The following PABPC4L variants were observed in gnomAD, a reference collection of about 807,000 sequenced individuals.
PABPC4L encodes the protein poly(A) binding protein cytoplasmic 4 like.
For missense variants in PABPC4L, 452 were observed against 451.4 expected (o/e 1.00, Z -0.01); for synonymous variants, 169 against 164.1 (o/e 1.03, Z -0.23).
the PABPC4L span, among the ~76,000 whole-genome samples, chr4:133,965,025 A>G: frequency 6.6e-6 from 1 of 152,186 alleles, no homozygotes; most frequent in Non-Finnish European, 1.5e-5. Context: ...AGGAAGTCAA[A>G]CTGTCACTGT....
the PABPC4L span, among the ~76,000 whole-genome samples, chr4:134,102,163 A>G: frequency 6.6e-6 from 1 of 151,580 alleles, no homozygotes; most frequent in Non-Finnish European, 1.5e-5. Context: ...CACTATGTTA[A>G]CTAAGTAGTT....
At chr4:134,046,651 C>T in the PABPC4L span, among the ~76,000 whole-genome samples, 1 of 152,114 alleles carries the variant, frequency 6.6e-6, no homozygotes, top group Admixed American at 6.6e-5. Context: ...AAACCTTGGA[C>T]AATACTCAGG....
chr4:134,169,633 G>A, the PABPC4L span, among the ~76,000 whole-genome samples: 11 of 151,868 alleles, frequency 7.2e-5, no homozygotes, highest in African/African-American at 2.7e-4. Flanking sequence ...CAGTAGCACT[G>A]CAATATGTCA....
chr4:134,059,104 G>C, the PABPC4L span, among the ~76,000 whole-genome samples: 2 of 151,948 alleles, frequency 1.3e-5, no homozygotes, highest in East Asian at 1.9e-4. Context: ...CAGAACAGTA[G>C]AAATTCCAGA....
the PABPC4L span, among the ~76,000 whole-genome samples, chr4:134,020,152 T>G: frequency 6.6e-6 from 1 of 152,028 alleles, no homozygotes; most frequent in East Asian, 1.9e-4. Flanking sequence ...CAAGAAAGAA[T>G]TCAGGGTGAG....
chr4:134,141,588 G>T, the PABPC4L span, among the ~76,000 whole-genome samples: 3 of 151,166 alleles, frequency 2.0e-5, no homozygotes, highest in African/African-American at 4.8e-5. Flanking sequence ...TCTTGTTATT[G>T]TTAAAGTTTT....
the PABPC4L span, among the ~76,000 whole-genome samples, chr4:133,959,178 A>G: frequency 9.2e-5 from 14 of 152,176 alleles, no homozygotes; most frequent in Non-Finnish European, 1.5e-4. Flanking sequence ...GTATCACTGT[A>G]TGCCAGAAAA....
the PABPC4L span, among the ~76,000 whole-genome samples, chr4:134,067,279 A>C: frequency 6.6e-6 from 1 of 152,118 alleles, no homozygotes; most frequent in African/African-American, 2.4e-5. Flanking sequence ...AGTTTCCAAT[A>C]GTTTATCCAT....
the PABPC4L span, among the ~76,000 whole-genome samples, chr4:134,190,023 G>T: frequency 6.6e-6 from 1 of 152,130 alleles, no homozygotes; most frequent in Non-Finnish European, 1.5e-5. Flanking sequence ...GCTCCGGAAA[G>T]TAAAACTCAC....
chr4:133,966,533 T>C, the PABPC4L span, among the ~76,000 whole-genome samples: 1 of 152,192 alleles, frequency 6.6e-6, no homozygotes, highest in African/African-American at 2.4e-5. Flanking sequence ...CAATTTGCAA[T>C]TGCAAAATCG....
chr4:134,045,576 G>A, the PABPC4L span, among the ~76,000 whole-genome samples: 1 of 152,246 alleles, frequency 6.6e-6, no homozygotes, highest in East Asian at 1.9e-4. Flanking sequence ...CCTTGGAAGA[G>A]GCTTACATAA....
chr4:134,159,000 A>G, the PABPC4L span, among the ~76,000 whole-genome samples: 1 of 152,184 alleles, frequency 6.6e-6, no homozygotes, highest in East Asian at 1.9e-4. Flanking sequence ...ATATTGATAC[A>G]TAGAAAAAGC....
At chr4:134,048,821 A>G in the PABPC4L span, among the ~76,000 whole-genome samples, 1 of 152,124 alleles carries the variant, frequency 6.6e-6, no homozygotes, top group Non-Finnish European at 1.5e-5. Context: ...GAAAGGAATA[A>G]TAACTATTGC....
chr4:134,079,129 G>T, the PABPC4L span, among the ~76,000 whole-genome samples: 108 of 151,094 alleles, frequency 7.1e-4, no homozygotes, highest in African/African-American at 2.4e-3. Flanking sequence ...GCACCACCAC[G>T]CCCAGCTAAT....
At chr4:134,042,052 T>C in the PABPC4L span, among the ~76,000 whole-genome samples, 1 of 151,954 alleles carries the variant, frequency 6.6e-6, no homozygotes, top group Non-Finnish European at 1.5e-5. Context: ...GAGAATGTGG[T>C]GTGTAAATAT....
At chr4:134,103,335 G>A in the PABPC4L span, among the ~76,000 whole-genome samples, 1 of 151,664 alleles carries the variant, frequency 6.6e-6, no homozygotes, top group Non-Finnish European at 1.5e-5. Flanking sequence ...AAATATCACA[G>A]ACTGGGTGGC....
At chr4:134,109,985 T>C in the PABPC4L span, among the ~76,000 whole-genome samples, 1 of 152,080 alleles carries the variant, frequency 6.6e-6, no homozygotes. Context: ...TGCAGAGCCC[T>C]GTACCTAACA....
At chr4:134,048,534 T>C in the PABPC4L span, among the ~76,000 whole-genome samples, 1 of 152,160 alleles carries the variant, frequency 6.6e-6, no homozygotes, top group Non-Finnish European at 1.5e-5. Flanking sequence ...GAAGAAACTC[T>C]ATAGTATATC....
At chr4:134,061,674 C>G in the PABPC4L span, among the ~76,000 whole-genome samples, 1 of 149,010 alleles carries the variant, frequency 6.7e-6, no homozygotes, top group Non-Finnish European at 1.5e-5. Context: ...AGATATTAAA[C>G]ATTAATCCCC....
Sources: gnomAD v4.1 joint callset for allele counts (sites outside exome capture counted in the v4.1 genomes callset) on GRCh38, gnomAD v4.1.1 for gene constraint, MANE v1.5 for transcripts, NCBI Gene and HGNC (gene_info 2026-07-23, HGNC 2026-07-21) for gene names.